Variants in MSI2 observed in about 807,000 individuals in gnomAD.
MSI2 encodes RNA-binding protein Musashi homolog 2.
A neutral mutation model predicts 45.6 loss-of-function variants in MSI2; 17 were observed. The ratio of observed to expected loss-of-function variants is 0.37; its 90% CI spans 0.26 to 0.56. The LOEUF (loss-of-function observed/expected upper bound fraction) is 0.56. Among genes scored for constraint, MSI2 ranks in the 20% least tolerant of loss-of-function variants. MSI2 has a pLI of 0.77. For synonymous variants in MSI2, 156 were observed against 158.2 expected, an observed-to-expected ratio of 0.99 and a Z score of 0.11; for missense variants, 293 against 444.2, an observed-to-expected ratio of 0.66 and a Z score of 3.06.
intron 6 of MSI2, among the ~76,000 whole-genome samples, chr17:57,482,313 G>T (rs1407830362): frequency 2.0e-5 from 3 of 152,174 alleles, no homozygotes; most frequent in Non-Finnish European, 4.4e-5. Context: ...TTGCTTTGGC[G>T]TTCACGCTAC....
At chr17:57,454,615 T>G (rs1287314353) in intron 6 of MSI2, among the ~76,000 whole-genome samples, 1 of 151,972 alleles carries the variant, frequency 6.6e-6, no homozygotes, top group Non-Finnish European at 1.5e-5. Flanking sequence ...TTTTTGTATT[T>G]TTAGTAGAGA....
At chr17:57,565,097 A>G (rs1376174197) in intron 7 of MSI2, among the ~76,000 whole-genome samples, 1 of 152,198 alleles carries the variant, frequency 6.6e-6, no homozygotes. Context: ...CTTGCTGAAG[A>G]CACAGAATAT....
At chr17:57,568,381 A>T (rs1275691306) in intron 7 of MSI2, among the ~76,000 whole-genome samples, 1 of 152,216 alleles carries the variant, frequency 6.6e-6, no homozygotes, top group Non-Finnish European at 1.5e-5. Context: ...CCCTAGGGAA[A>T]ATACTGGCCA....
intron 7 of MSI2, among the ~76,000 whole-genome samples, chr17:57,567,473 G>A (rs760882101): frequency 2.6e-5 from 4 of 152,254 alleles, no homozygotes; most frequent in Admixed American, 6.5e-5. Flanking sequence ...TTGGCAGGCC[G>A]CCATGTTGTA....
chr17:57,583,999 A>G (rs1482862949), intron 7 of MSI2, among the ~76,000 whole-genome samples: 3 of 152,222 alleles, frequency 2.0e-5, no homozygotes, highest in Admixed American at 6.5e-5. Context: ...ATGCAGATTC[A>G]GGTTCAGTGG....
chr17:57,363,921 C>T (rs1023614478), intron 5 of MSI2, among the ~76,000 whole-genome samples: 2 of 152,140 alleles, frequency 1.3e-5, no homozygotes, highest in African/African-American at 4.8e-5. Context: ...TATAGCACTG[C>T]CCAGGCTGGT....
intron 5 of MSI2, among the ~76,000 whole-genome samples, chr17:57,361,443 TA>T (rs879675657): frequency 0.02 from 2,835 of 138,946 alleles, 99 homozygotes; most frequent in African/African-American, 0.066. Flanking sequence ...TTACAAAAAA[TA>T]AAAAAAAAAA....
chr17:57,486,533 T>C (rs2085757636), intron 6 of MSI2, among the ~76,000 whole-genome samples: 1 of 152,234 alleles, frequency 6.6e-6, no homozygotes, highest in South Asian at 2.1e-4. Flanking sequence ...TTCCTTTCGT[T>C]TTATGCAAAT....
intron 6 of MSI2, among the ~76,000 whole-genome samples, chr17:57,507,585 T>G (rs1308003466): frequency 6.6e-6 from 1 of 152,122 alleles, no homozygotes; most frequent in Admixed American, 6.5e-5. Flanking sequence ...CAAAATGCAA[T>G]AGGACTATAA....
At position 57,259,903 on chromosome 17, in the gene MSI2, CTGAT is replaced by C. The variant is rs201850395; in HGVS notation, c.270+1552_270+1555del. 45 of 152,314 alleles carry C rather than the reference CTGAT, an allele frequency of 3.0e-4. No homozygotes were observed. In the East Asian group the frequency reaches 8.3e-3, roughly 28 times the overall value. 9.4% of individuals were successfully genotyped at this position (152,314 alleles called of 1,614,324 possible). A position where few individuals can be genotyped will look rare whatever the true frequency, so the allele number is the denominator to read the frequency against. ...GGTGCAAAGCCTGCAGTTTCCCTCT[CTGAT>C]TGTTTATAGACATGTTTTGGTCACT... On this transcript the variant is annotated intron_variant, in intron 4 of 13. Transcript: ENST00000284073.
At chr17:57,690,923 G>A in the MSI2 span, among the ~76,000 whole-genome samples, 8 of 151,350 alleles carry the variant, frequency 5.3e-5, no homozygotes, top group South Asian at 4.2e-4. Context: ...TTTTGCATGC[G>A]ACCTAAGTCT....
At chr17:57,332,303 G>C (rs1016768481) in intron 5 of MSI2, among the ~76,000 whole-genome samples, 2 of 152,104 alleles carry the variant, frequency 1.3e-5, no homozygotes, top group Non-Finnish European at 2.9e-5. Flanking sequence ...GTTTCTCCAT[G>C]TTAGCCAGGC....
At position 57,684,656 on chromosome 17, in the gene MSI2, A is replaced by T. The variant is rs538965392; in HGVS notation, c.*5139A>T. ...AATCAATGTGTTTGTCTGACAAAAA[A>T]AAAAATAAAATAAAATAAACTGTTT... On this transcript the variant is annotated 3_prime_UTR_variant, in exon 14 of 14. Coordinates refer to ENST00000284073, the MANE Select transcript of MSI2 (RefSeq NM_138962.4). The T allele has an allele frequency of 1.9e-5, 3 of 158,072 alleles. No individual in the cohort carries two copies. Among genetic ancestry groups the T allele is most frequent in the East Asian group, 1.5e-4 (1 of 6,544 alleles). 9.8% of individuals were successfully genotyped at this position (158,072 alleles called of 1,614,324 possible). A position where few individuals can be genotyped will look rare whatever the true frequency, so the allele number is the denominator to read the frequency against.
intron 6 of MSI2, among the ~76,000 whole-genome samples, chr17:57,415,362 C>G (rs1403973003): frequency 6.7e-6 from 1 of 150,332 alleles, no homozygotes; most frequent in African/African-American, 2.5e-5. Flanking sequence ...TACTGCCAGA[C>G]TGTCGGGAAT....
intron 5 of MSI2, among the ~76,000 whole-genome samples, chr17:57,296,966 C>G (rs1238745415): frequency 1.3e-5 from 2 of 152,210 alleles, no homozygotes; most frequent in African/African-American, 2.4e-5. Context: ...GCTCTGCCTC[C>G]TGGGTTTACG....
intron 8 of MSI2, among the ~76,000 whole-genome samples, chr17:57,609,268 AC>A (rs1046474580): frequency 1.3e-5 from 2 of 151,932 alleles, no homozygotes; most frequent in Admixed American, 6.6e-5. Flanking sequence ...CTGTTAGGAA[AC>A]GCCACAGAAG....
At chr17:57,488,143 G>A (rs1284267657) in intron 6 of MSI2, among the ~76,000 whole-genome samples, 1 of 152,124 alleles carries the variant, frequency 6.6e-6, no homozygotes, top group Non-Finnish European at 1.5e-5. Flanking sequence ...TGGTCCCAGA[G>A]TTGGCCTCAT....
intron 5 of MSI2, among the ~76,000 whole-genome samples, chr17:57,344,893 T>C (rs2143808304): frequency 6.6e-6 from 1 of 152,164 alleles, no homozygotes; most frequent in South Asian, 2.1e-4. Flanking sequence ...TGAAACCCCG[T>C]CCCTACTAAA....
At chr17:57,535,450 A>C (rs895563400) in intron 7 of MSI2, among the ~76,000 whole-genome samples, 1 of 152,260 alleles carries the variant, frequency 6.6e-6, no homozygotes, top group Non-Finnish European at 1.5e-5. Flanking sequence ...TTCATTACCC[A>C]GCAGGCCTGC....
Sources: allele counts gnomAD v4.1 joint callset (sites outside exome capture counted in the v4.1 genomes callset), GRCh38; gene constraint gnomAD v4.1.1; transcripts MANE v1.5; gene names NCBI Gene and HGNC (gene_info 2026-07-23, HGNC 2026-07-21).